NRF1: variants seen among roughly 807,000 people sequenced by gnomAD.
The protein encoded by NRF1 is nuclear respiratory factor 1.
In NRF1, 5 loss-of-function variants were observed where a neutral mutation model predicts 58.5. That is an observed-to-expected ratio of 0.09 (90% CI 0.04 to 0.18). The LOEUF is 0.18. Ranked by LOEUF, NRF1 falls within the 10% of genes least tolerant of loss-of-function variation. The pLI, the probability that NRF1 is intolerant of heterozygous loss-of-function variation, is 1.00. For missense variants in NRF1, 288 were observed against 657.7 expected, an observed-to-expected ratio of 0.44 and a Z score of 6.15; for synonymous variants, 224 against 246.7, an observed-to-expected ratio of 0.91 and a Z score of 0.86.
intron 9 of NRF1, among the ~76,000 whole-genome samples, chr7:129,725,541 G>A (rs1353653296): frequency 6.6e-6 from 1 of 152,032 alleles, no homozygotes; most frequent in Non-Finnish European, 1.5e-5. Flanking sequence ...TGGTCAGGCT[G>A]GTCTCGAACT....
At chr7:129,679,124 C>G (rs1018154352) in intron 4 of NRF1, among the ~76,000 whole-genome samples, 2 of 152,168 alleles carry the variant, frequency 1.3e-5, no homozygotes, top group Admixed American at 1.3e-4. Context: ...AACACATAGT[C>G]TAGAACACAA....
chr7:129,734,817 A>G (rs4731621), intron 10 of NRF1, among the ~76,000 whole-genome samples: 126,412 of 152,150 alleles, frequency 0.83, 53,566 homozygotes, highest in East Asian at 0.94. Flanking sequence ...AGTAGATGAT[A>G]TTCAGAAGGA....
intron 4 of NRF1, among the ~76,000 whole-genome samples, chr7:129,686,377 G>T (rs1413360841): frequency 6.6e-6 from 1 of 152,134 alleles, no homozygotes. Flanking sequence ...GAGAAACTTG[G>T]ACTTTGTCCT....
At chr7:129,724,409 G>A (rs1803402443) in intron 9 of NRF1, among the ~76,000 whole-genome samples, 1 of 152,144 alleles carries the variant, frequency 6.6e-6, no homozygotes, top group Admixed American at 6.5e-5. Flanking sequence ...TGGAGAAATT[G>A]GAACCCTTGT....
At chr7:129,624,343 A>G (rs1197596645) in intron 1 of NRF1, among the ~76,000 whole-genome samples, 4 of 152,202 alleles carry the variant, frequency 2.6e-5, no homozygotes, top group South Asian at 2.1e-4. Context: ...GAGAGTAGAT[A>G]CTGTGTTGGT....
chr7:129,750,065 G>A (rs1195024215), intron 10 of NRF1, among the ~76,000 whole-genome samples: 2 of 152,062 alleles, frequency 1.3e-5, no homozygotes, highest in Non-Finnish European at 2.9e-5. Context: ...GACATGCAGC[G>A]GGGGTGAGAG....
chr7:129,685,556 AGTGTGTGTGTGTGTGTGT>A lies in NRF1; in HGVS notation c.466-4819_466-4802del, dbSNP rs67721424. Among the ~76,000 whole-genome samples, 346 of 143,102 alleles carry A rather than the reference AGTGTGTGTGTGTGTGTGT, an allele frequency of 2.4e-3. 2 individuals carry two copies. Among genetic ancestry groups the A allele is most frequent in the African/African-American group, 7.5e-3 (279 of 37,436 alleles). 93.9% of individuals were successfully genotyped at this position (143,102 alleles called of 152,430 possible). On this transcript the variant is annotated intron_variant, in intron 4 of 10. Transcript: ENST00000393232. ...AACATGTAAGACCCTGTCTCATTCA[AGTGTGTGTGTGTGTGTGT>A]GTGTGTGTGTGTGTGTGTGTGTGTG... is the stretch of plus-strand genomic sequence containing the variant.
At chr7:129,717,054 A>T (rs1402057982) in intron 8 of NRF1, among the ~76,000 whole-genome samples, 165 bp from the exon 9 acceptor site, 5 of 152,196 alleles carry the variant, frequency 3.3e-5, no homozygotes, top group African/African-American at 2.4e-5. Context: ...CCCCTTTTTT[A>T]TGCAAAAGGT....
At chr7:129,663,991 G>A (rs113445939) in intron 2 of NRF1, among the ~76,000 whole-genome samples, 5 of 151,696 alleles carry the variant, frequency 3.3e-5, no homozygotes, top group African/African-American at 7.2e-5. Context: ...CAGGAGTGGC[G>A]GCGTGTGCCT....
Position 129,645,046 on chromosome 7 carries a change from T to TAA in NRF1, c.-6-12284_-6-12283dup, listed in dbSNP as rs201771420. Among the ~76,000 whole-genome samples the TAA allele has an allele frequency of 5.1e-5, 7 of 136,408 alleles. No homozygotes were observed. The South Asian group carries it at 1.4e-3, about 27-fold the overall frequency. The allele number at this position is 136,408 out of a possible 152,430, so 89.5% of individuals were successfully genotyped here. ...TCTGTAAACATTATTTCACCCAGTG[T>TAA]AAAAAAAAAAAAAAAAATCATGTAA... On this transcript the variant is annotated intron_variant, in intron 1 of 10. Coordinates refer to ENST00000393232, the MANE Select transcript of NRF1 (RefSeq NM_005011.5).
intron 1 of NRF1, among the ~76,000 whole-genome samples, chr7:129,622,812 C>T (rs1034081101): frequency 1.1e-4 from 16 of 151,978 alleles, no homozygotes; most frequent in African/African-American, 1.7e-4. Flanking sequence ...TCAGGTGATC[C>T]GCCCACCTTG....
chr7:129,725,050 A>T (rs73159640), intron 9 of NRF1, among the ~76,000 whole-genome samples: 44,602 of 152,092 alleles, frequency 0.29, 8,121 homozygotes, highest in Non-Finnish European at 0.42. Flanking sequence ...ATCTCTAAAA[A>T]AATAAAAACA....
At chr7:129,735,720 A>G (rs763744386) in intron 10 of NRF1, among the ~76,000 whole-genome samples, 1 of 150,852 alleles carries the variant, frequency 6.6e-6, no homozygotes, top group Non-Finnish European at 1.5e-5. Flanking sequence ...TTCTGAAACT[A>G]TAAGACCACC....
intron 10 of NRF1, among the ~76,000 whole-genome samples, chr7:129,754,759 T>G (rs919420912): frequency 6.6e-6 from 1 of 152,122 alleles, no homozygotes. Flanking sequence ...CATTCTACAG[T>G]GTATACATGC....
chr7:129,640,005 T>C (rs1260471586), intron 1 of NRF1, among the ~76,000 whole-genome samples: 2 of 152,256 alleles, frequency 1.3e-5, no homozygotes, highest in East Asian at 3.8e-4. Context: ...AAGACTGCTT[T>C]GGCAACTTTA....
chr7:129,688,593 T>C (rs1297711952), intron 4 of NRF1, among the ~76,000 whole-genome samples: 1 of 152,124 alleles, frequency 6.6e-6, no homozygotes, highest in Non-Finnish European at 1.5e-5. Flanking sequence ...AGAGGTTTAA[T>C]TGACTTACAG....
rs192852948 is a variant in NRF1, at chr7:129,741,774, G to A, written c.1349-13244G>A. On this transcript the variant is annotated intron_variant, in intron 10 of 10. Coordinates refer to ENST00000393232, the MANE Select transcript of NRF1 (RefSeq NM_005011.5). This position sits in a 1 kb window ranked among gnomAD's most constrained non-coding sequence, Gnocchi z 4.0. ...ATAGCTTGTCCCTCGCAGCCAGGAT[G>A]GTTTGGGGCCCTCTGGCTCTCAGGT... is the stretch of plus-strand genomic sequence containing the variant. 1.4e-3 allele frequency among the ~76,000 whole-genome samples: 220 copies of A among 152,290 alleles called. 4 individuals carry two copies. Among genetic ancestry groups the A allele is most frequent in the Non-Finnish European group, 5.6e-4 (38 of 68,020 alleles).
intron 10 of NRF1, among the ~76,000 whole-genome samples, chr7:129,734,798 C>CT (rs1803668398): frequency 6.6e-6 from 1 of 152,156 alleles, no homozygotes; most frequent in Admixed American, 6.5e-5. Flanking sequence ...GCCAGGGAAA[C>CT]TAAGGGGAAG....
chr7:129,631,779 A>T (rs1210361518), intron 1 of NRF1, among the ~76,000 whole-genome samples: 3 of 151,932 alleles, frequency 2.0e-5, no homozygotes, highest in Non-Finnish European at 4.4e-5. Flanking sequence ...TTTTAGAGTT[A>T]TAAGTGTGTA....
Sources: gnomAD v4.1 joint callset for allele counts (sites outside exome capture counted in the v4.1 genomes callset) on GRCh38, gnomAD v4.1.1 for gene constraint, Gnocchi (gnomAD v3.1) non-coding constraint, MANE v1.5 for transcripts, NCBI Gene and HGNC (gene_info 2026-07-23, HGNC 2026-07-21) for gene names.